Variants in NARS2 observed in about 807,000 individuals in gnomAD.
NARS2 encodes the protein asparaginyl-tRNA synthetase 2, mitochondrial, also known as asparaginyl-tRNA synthetase.
Under a neutral mutation model 62.9 loss-of-function variants are expected in NARS2, and 60 were observed. The observed-to-expected ratio is 0.95, with a 90% CI of 0.77 to 1.18. The LOEUF (loss-of-function observed/expected upper bound fraction) is 1.18, where lower values mean the gene tolerates loss of function less well. NARS2 is among the 50% of genes most tolerant of loss of function. The pLI, the probability that NARS2 is intolerant of heterozygous loss-of-function variation, is 0.00. For synonymous variants in NARS2, 196 were observed against 200.0 expected (o/e 0.98, Z 0.17); for missense variants, 619 against 576.4 (o/e 1.07, Z -0.76).
At chr11:78,479,376 G>A (rs1012271350) in intron 7 of NARS2, among the ~76,000 whole-genome samples, 8 of 152,144 alleles carry the variant, frequency 5.3e-5, no homozygotes, top group African/African-American at 1.9e-4. Flanking sequence ...GCATAGTGGT[G>A]TGTGCACCTG....
intron 11 of NARS2, among the ~76,000 whole-genome samples, chr11:78,455,844 T>A (rs1474276752): frequency 1.3e-5 from 2 of 151,848 alleles, no homozygotes; most frequent in African/African-American, 4.8e-5. Flanking sequence ...AGCAGCCTCA[T>A]CTGTAAGAAA....
intron 6 of NARS2, among the ~76,000 whole-genome samples, chr11:78,519,803 C>T (rs1202114899): frequency 6.6e-6 from 1 of 151,848 alleles, no homozygotes; most frequent in Non-Finnish European, 1.5e-5. Flanking sequence ...TGGGTTCACG[C>T]GATTCTCCTG....
At chr11:78,522,933 T>C (rs1590812020) in intron 6 of NARS2, among the ~76,000 whole-genome samples, 1 of 152,160 alleles carries the variant, frequency 6.6e-6, no homozygotes, top group East Asian at 1.9e-4. Flanking sequence ...TCTGGAGTAC[T>C]TTCAAAACCC....
rs779128703 is a variant in NARS2, at chr11:78,443,677, C to T, written c.1246G>A (p.Glu416Lys). Reference protein sequence around the residue: ...GLREERYHFLEERLARSGLTE... With the variant: ...GLREERYHFLKERLARSGLTE... ...GACCAGTACCTGGCTAAGCGCTCCTCTAAGAAATGGTATCGTTCTTCTCTG... is the reference window on the plus strand; with the variant it reads ...GACCAGTACCTGGCTAAGCGCTCCTTTAAGAAATGGTATCGTTCTTCTCTG... Residue 416 changes from glutamate (E) to lysine (K), a missense_variant, in exon 12 of 14, where the codon GAG becomes AAG. Physicochemically the swap from Glu to Lys is moderately conservative, Grantham distance 56 (BLOSUM62 1). Coordinates refer to ENST00000281038, the MANE Select transcript of NARS2 (RefSeq NM_024678.6). The T allele has an allele frequency of 5.1e-5, 83 of 1,612,854 alleles. No homozygotes were observed. The highest frequency in any genetic ancestry group is 6.7e-5 in the Non-Finnish European group (79 of 1,179,108).
intron 12 of NARS2, among the ~76,000 whole-genome samples, chr11:78,442,569 T>A (rs76182498): frequency 2.0e-5 from 3 of 151,666 alleles, no homozygotes; most frequent in African/African-American, 7.3e-5. Flanking sequence ...CAGATTACTA[T>A]GAAACCCAGT....
chr11:78,566,103 G>A, intron 4 of NARS2, 29 bp downstream of exon 4: 1 of 1,558,780 alleles, frequency 6.4e-7, no homozygotes, highest in South Asian at 1.2e-5. Context: ...ACTGTTTAAA[G>A]GGTCAAGAGG....
intron 11 of NARS2, among the ~76,000 whole-genome samples, chr11:78,459,374 G>A (rs757683049): frequency 7.3e-5 from 11 of 150,998 alleles, no homozygotes; most frequent in Admixed American, 5.9e-4. Flanking sequence ...GGGTTCAAGC[G>A]ATTCTCCTGC....
chr11:78,500,445 C>A (rs370398007), intron 6 of NARS2, among the ~76,000 whole-genome samples: 3 of 152,152 alleles, frequency 2.0e-5, no homozygotes, highest in East Asian at 3.9e-4. Context: ...TCCTTTCCAT[C>A]GGGCTACAGT....
chr11:78,454,044 C>A (rs910558344), intron 11 of NARS2, among the ~76,000 whole-genome samples: 1 of 152,180 alleles, frequency 6.6e-6, no homozygotes, highest in South Asian at 2.1e-4. Context: ...CCTTAGTGAG[C>A]TCTAAATTTC....
At chr11:78,514,031 C>G (rs1374821094) in intron 6 of NARS2, among the ~76,000 whole-genome samples, 2 of 152,178 alleles carry the variant, frequency 1.3e-5, no homozygotes, top group Non-Finnish European at 2.9e-5. Context: ...CTTCCTGAAG[C>G]CTCACGAGAA....
chr11:78,469,378 T>C, intron 9 of NARS2, 65 bp from the exon 10 acceptor site: 1 of 1,241,564 alleles, frequency 8.1e-7, no homozygotes, highest in East Asian at 2.3e-5. Context: ...TAGTTCATTT[T>C]AAAACCAGAA....
chr11:78,536,421 T>G (rs192422902), intron 5 of NARS2, among the ~76,000 whole-genome samples: 2 of 152,258 alleles, frequency 1.3e-5, no homozygotes, highest in Non-Finnish European at 2.9e-5. Flanking sequence ...CTGAAGACCT[T>G]TCAGTAGGAC....
chr11:78,475,965 AT>A (rs1859076654), intron 9 of NARS2, among the ~76,000 whole-genome samples: 1 of 152,086 alleles, frequency 6.6e-6, no homozygotes, highest in African/African-American at 2.4e-5. Context: ...TTTAATTTGC[AT>A]TTTATTGATT....
chr11:78,467,710 A>G (rs564070723), intron 10 of NARS2, among the ~76,000 whole-genome samples: 1 of 152,188 alleles, frequency 6.6e-6, no homozygotes, highest in Non-Finnish European at 1.5e-5. Flanking sequence ...TTCAGTTATA[A>G]GATGAACAAG....
chr11:78,502,406 T>C (rs1484317422), intron 6 of NARS2, among the ~76,000 whole-genome samples: 1 of 152,256 alleles, frequency 6.6e-6, no homozygotes, highest in Non-Finnish European at 1.5e-5. Context: ...GTATCTCTTC[T>C]TATATGGACA....
At chr11:78,542,602 G>C (rs1031096228) in intron 5 of NARS2, among the ~76,000 whole-genome samples, 1 of 152,128 alleles carries the variant, frequency 6.6e-6, no homozygotes, top group African/African-American at 2.4e-5. Flanking sequence ...CCACACAAAG[G>C]ACTTGACTAC....
chr11:78,547,198 G>C (rs1464685998), intron 5 of NARS2, among the ~76,000 whole-genome samples: 1 of 152,018 alleles, frequency 6.6e-6, no homozygotes, highest in Non-Finnish European at 1.5e-5. Flanking sequence ...AGGTGTGGTG[G>C]TGCACACCCA....
At chr11:78,445,637 T>A (rs968828933) in intron 11 of NARS2, among the ~76,000 whole-genome samples, 1 of 149,778 alleles carries the variant, frequency 6.7e-6, no homozygotes, top group Non-Finnish European at 1.5e-5. Context: ...CAAAAAACAA[T>A]TAAAAAAATT....
rs150181363 is a variant in NARS2, at chr11:78,549,618, C to A, written c.594+9921G>T. Among the ~76,000 whole-genome samples the A allele has an allele frequency of 5.8e-3, 890 of 152,320 alleles. 6 individuals are homozygous for A. Among genetic ancestry groups the A allele is most frequent in the Middle Eastern group, 0.017 (5 of 294 alleles). ...CAAACTCAAACGCTGCCCTTGAAAA[C>A]TATGTCCACAAAGGAGTATAAATTT... is the stretch of plus-strand genomic sequence containing the variant. On this transcript the variant is annotated intron_variant, in intron 5 of 13. Transcript: ENST00000281038.
Sources: gnomAD v4.1 joint callset for allele counts (sites outside exome capture counted in the v4.1 genomes callset) on GRCh38, gnomAD v4.1.1 for gene constraint, MANE v1.5 for transcripts, NCBI Gene and HGNC (gene_info 2026-07-23, HGNC 2026-07-21) for gene names.